Variants in PRICKLE2 observed in about 807,000 individuals in gnomAD.
PRICKLE2 encodes prickle planar cell polarity protein 2, also known as prickle-like protein 2.
Under a neutral mutation model 81.4 loss-of-function variants are expected in PRICKLE2, and 21 were observed. That is an observed-to-expected ratio of 0.26 (90% CI 0.18 to 0.37). PRICKLE2 has a LOEUF of 0.37. PRICKLE2 is among the 10% of genes least tolerant of loss of function. The pLI is 1.00. For synonymous variants in PRICKLE2, 456 were observed against 421.5 expected, an observed-to-expected ratio of 1.08 and a Z score of -1.00; for missense variants, 940 against 1,109.0, an observed-to-expected ratio of 0.85 and a Z score of 2.16.
chr3:64,169,322 C>A (rs26934), intron 2 of PRICKLE2, among the ~76,000 whole-genome samples: 8,212 of 152,218 alleles, frequency 0.054, 313 homozygotes, highest in Middle Eastern at 0.14. Context: ...AGTTATGAGC[C>A]TGGACTTCAA....
At chr3:64,142,914 T>G (rs2077386146) in intron 7 of PRICKLE2, among the ~76,000 whole-genome samples, 1 of 152,168 alleles carries the variant, frequency 6.6e-6, no homozygotes, top group Admixed American at 6.6e-5. Context: ...TTGCAGAGTT[T>G]AAGTGACTTG....
chr3:64,169,580 G>GCACTC (rs1244913643), intron 2 of PRICKLE2, among the ~76,000 whole-genome samples: 3 of 152,116 alleles, frequency 2.0e-5, no homozygotes, highest in Non-Finnish European at 4.4e-5. Context: ...CCAGAACTAT[G>GCACTC]CACTCTTAAC....
intron 2 of PRICKLE2, among the ~76,000 whole-genome samples, chr3:64,248,189 A>G (rs2079388110): frequency 6.6e-6 from 1 of 152,222 alleles, no homozygotes; most frequent in Non-Finnish European, 1.5e-5. Flanking sequence ...AATTTTTGTG[A>G]GTCATTCTCA....
chr3:64,205,741 G>A (rs1005002592), intron 1 of PRICKLE2, among the ~76,000 whole-genome samples: 9 of 152,116 alleles, frequency 5.9e-5, no homozygotes, highest in South Asian at 2.1e-4. Context: ...ATTCCCCCCC[G>A]CTTCTTAATA....
chr3:64,134,957 T>A (rs1278059862), intron 7 of PRICKLE2, among the ~76,000 whole-genome samples: 1 of 152,182 alleles, frequency 6.6e-6, no homozygotes, highest in Non-Finnish European at 1.5e-5. Flanking sequence ...CACTGGGAAG[T>A]CTGCTGCTGC....
chr3:64,228,412 C>T (rs1399900880), upstream of PRICKLE2, among the ~76,000 whole-genome samples: 4 of 152,178 alleles, frequency 2.6e-5, no homozygotes, highest in Non-Finnish European at 5.9e-5. Flanking sequence ...GTGAGCTCAG[C>T]TTGGTGATGA....
At chr3:64,113,751 G>A (rs997125463) in intron 7 of PRICKLE2, among the ~76,000 whole-genome samples, 2 of 151,344 alleles carry the variant, frequency 1.3e-5, no homozygotes, top group African/African-American at 4.9e-5. Flanking sequence ...ATACTGCACA[G>A]AGAACAGCGG....
chr3:64,138,789 T>C (rs2077315545), intron 7 of PRICKLE2, among the ~76,000 whole-genome samples: 1 of 152,196 alleles, frequency 6.6e-6, no homozygotes, highest in African/African-American at 2.4e-5. Flanking sequence ...GGACCACACA[T>C]CTTCCCCAGT....
At chr3:64,153,977 T>TCCCCC (rs2077586713) in intron 5 of PRICKLE2, 1 of 154,132 alleles carries the variant, frequency 6.5e-6, no homozygotes, top group African/African-American at 2.4e-5. Context: ...TCCCCCAATA[T>TCCCCC]AGAGTTTTTA....
At chr3:64,198,591 T>G in intron 2 of PRICKLE2, 193 bp downstream of exon 2, 1 of 657,196 alleles carries the variant, frequency 1.5e-6, no homozygotes, top group Non-Finnish European at 2.7e-6. Context: ...GAATTAGCAA[T>G]GGATCACTCC....
chr3:64,190,213 T>G (rs894872708), intron 2 of PRICKLE2: 2 of 152,236 alleles, frequency 1.3e-5, no homozygotes, highest in African/African-American at 4.8e-5. Context: ...CGGGCTAAAT[T>G]AGCCAATCCC....
intron 2 of PRICKLE2, among the ~76,000 whole-genome samples, chr3:64,251,987 T>C (rs2079453139): frequency 6.6e-6 from 1 of 152,278 alleles, no homozygotes; most frequent in South Asian, 2.1e-4. Context: ...CATTTGCACA[T>C]AGACATCATT....
At chr3:64,173,825 T>C (rs2077974991) in intron 2 of PRICKLE2, among the ~76,000 whole-genome samples, 1 of 152,198 alleles carries the variant, frequency 6.6e-6, no homozygotes, top group Non-Finnish European at 1.5e-5. Flanking sequence ...AGCTCTTCTG[T>C]CTCCCAGCCT....
chr3:64,142,159 G>C (rs1392157614), intron 7 of PRICKLE2, among the ~76,000 whole-genome samples: 1 of 152,144 alleles, frequency 6.6e-6, no homozygotes, highest in Non-Finnish European at 1.5e-5. Context: ...GCTGTGCTTA[G>C]AATATTAGCC....
chr3:64,093,582 TCA>T lies in PRICKLE2; in HGVS notation c.*5467_*5468del, dbSNP rs778304205. 6.6e-6 allele frequency: 1 copy of T among 152,184 alleles called. No homozygotes were observed. The highest frequency in any genetic ancestry group is 1.5e-5 in the Non-Finnish European group (1 of 68,044). The allele number at this position is 152,184 out of a possible 1,614,324, so 9.4% of individuals were successfully genotyped here. On this transcript the variant is annotated 3_prime_UTR_variant, in exon 8 of 8. Coordinates refer to ENST00000638394, the MANE Select transcript of PRICKLE2 (RefSeq NM_198859.4). ...TTGTGATGGGAGACATTTTTAGTTG[TCA>T]CAGTTTCTGGGGGCTGCTACTGGCA...
chr3:64,133,946 T>A (rs2077237262), intron 7 of PRICKLE2, among the ~76,000 whole-genome samples: 1 of 152,204 alleles, frequency 6.6e-6, no homozygotes, highest in Non-Finnish European at 1.5e-5. Flanking sequence ...TGAGTTCTGG[T>A]CAATCTTCCC....
At chr3:64,239,561 C>G (rs916716105) in intron 2 of PRICKLE2, among the ~76,000 whole-genome samples, 1 of 152,066 alleles carries the variant, frequency 6.6e-6, no homozygotes, top group Non-Finnish European at 1.5e-5. Context: ...TTGGGACTCT[C>G]TAAGATAATT....
intron 7 of PRICKLE2, among the ~76,000 whole-genome samples, chr3:64,117,497 G>A (rs115623905): frequency 2.6e-4 from 39 of 152,228 alleles, no homozygotes; most frequent in African/African-American, 7.7e-4. Context: ...AACAACTTCA[G>A]CAAAGTCTCA....
At position 64,147,517 on chromosome 3, in the gene PRICKLE2, C is replaced by T. The variant is rs760554761; in HGVS notation, c.973G>A (p.Ala325Thr). ...DPNGSDSSDS[A>T]FQNARAKESR... ...TCCTTGGCCCTGGCGTTCTGGAAGG[C>T]GGAATCAGAGGAGTCAGAACCATTG... Residue 325 changes from alanine to threonine, a missense_variant, in exon 7 of 8, where the codon GCC becomes ACC. Ala to Thr is a moderately conservative substitution (Grantham distance 58). Coordinates refer to ENST00000638394, the MANE Select transcript of PRICKLE2 (RefSeq NM_198859.4). This position sits in a 1 kb window ranked among gnomAD's most constrained non-coding sequence, Gnocchi z 5.0. 30 of 1,614,108 alleles carry T rather than the reference C, an allele frequency of 1.9e-5. No individual in the cohort carries two copies. Among genetic ancestry groups the T allele is most frequent in the African/African-American group, 9.3e-5 (7 of 74,932 alleles).
Sources: gnomAD v4.1 joint callset for allele counts (sites outside exome capture counted in the v4.1 genomes callset) on GRCh38, gnomAD v4.1.1 for gene constraint, Gnocchi (gnomAD v3.1) non-coding constraint, MANE v1.5 for transcripts, NCBI Gene and HGNC (gene_info 2026-07-23, HGNC 2026-07-21) for gene names.